LCN6: variants seen among roughly 807,000 people sequenced by gnomAD.
LCN6 encodes the protein epididymal-specific lipocalin-6.
A neutral mutation model predicts 21.4 loss-of-function variants in LCN6; 20 were observed. That is an observed-to-expected ratio of 0.93 (90% CI 0.66 to 1.36). LCN6 has a LOEUF of 1.36. Among genes scored for constraint, LCN6 ranks in the 40% most tolerant of loss-of-function variants. LCN6 has a pLI of 0.00. For missense variants in LCN6, 217 were observed against 206.6 expected (o/e 1.05, Z -0.31); for synonymous variants, 96 against 89.0 (o/e 1.08, Z -0.44).
intron 2 of LCN6, among the ~76,000 whole-genome samples, chr9:136,746,369 T>C (rs193089149): frequency 0.12 from 4,750 of 39,804 alleles, 451 homozygotes; most frequent in African/African-American, 0.35. Context: ...GGGGTTCGCC[T>C]GCGACTCAGG....
At position 136,745,170 on chromosome 9, in the gene LCN6, T is replaced by C. The variant is rs200056554; in HGVS notation, c.412A>G (p.Ser138Gly). The C allele has an allele frequency of 3.9e-5, 62 of 1,601,818 alleles. No individual in the cohort carries two copies. In the East Asian group the frequency reaches 1.3e-3, roughly 33 times the overall value. ...DEPFNTVELY[S>G]LTETASQEAM... ...CGTGGGCCCCGCACAGCACACTTACTGTACAGCTCCACGGTGTTGAAGGGC... is the reference window on the plus strand; with the variant it reads ...CGTGGGCCCCGCACAGCACACTTACCGTACAGCTCCACGGTGTTGAAGGGC... The change falls in exon 4 of 7, where the codon AGT becomes GGT. Residue 138 changes from serine to glycine, a missense_variant and splice_region_variant. Ser to Gly is a moderately conservative substitution (Grantham distance 56, BLOSUM62 0). Coordinates refer to ENST00000341206, the MANE Select transcript of LCN6 (RefSeq NM_198946.3).
rs759041175 is a variant in LCN6, at chr9:136,745,280, G to A, written c.302C>T (p.Ser101Leu). 1.9e-6 allele frequency: 3 copies of A among 1,609,174 alleles called. No individual in the cohort carries two copies. Among genetic ancestry groups the A allele is most frequent in the Non-Finnish European group, 2.6e-6 (3 of 1,176,210 alleles). The change falls in exon 4 of 7, where the codon TCA (serine) becomes TTA (leucine). Residue 101 changes from serine (S) to leucine (L), a missense_variant and splice_region_variant. Ser to Leu is a moderately radical substitution (Grantham distance 145, BLOSUM62 -2). Coordinates refer to ENST00000341206, the MANE Select transcript of LCN6 (RefSeq NM_198946.3). ...RNSGWVFENPSIGVLELWVLA... is the reference protein window; with the variant it reads ...RNSGWVFENPLIGVLELWVLA... ...CACCCAGAGCTCCAGCACGCCTATT[G>A]CTAGGAAACAAAACCCCCCGCCTCA...
intron 2 of LCN6, 73 bp downstream of exon 2, chr9:136,747,351 A>T (rs1847052648): frequency 6.4e-7 from 1 of 1,552,550 alleles, no homozygotes; most frequent in African/African-American, 1.4e-5. Context: ...CCGGGAGCAG[A>T]TGTGCAAAGT....
At chr9:136,746,167 G>A in intron 2 of LCN6, 2 of 484,112 alleles carry the variant, frequency 4.1e-6, no homozygotes, top group Non-Finnish European at 7.5e-6. Flanking sequence ...GCTGAATGCT[G>A]CTGAGGACAC....
At chr9:136,746,053 C>T (rs1301620269) in intron 2 of LCN6, 139 bp from the exon 3 acceptor site, 8 of 726,058 alleles carry the variant, frequency 1.1e-5, no homozygotes, top group African/African-American at 1.8e-5. Context: ...CCCCGATGCC[C>T]GGAAACCTGT....
intron 3 of LCN6, 96 bp downstream of exon 3, chr9:136,745,748 T>C (rs1847028542): frequency 9.3e-7 from 1 of 1,073,126 alleles, no homozygotes; most frequent in Non-Finnish European, 1.4e-6. Context: ...CTCCTGGCTC[T>C]CGGGAGCGGA....
chr9:136,747,752 T>A (rs1847066326), intron 1 of LCN6, among the ~76,000 whole-genome samples, 189 bp from the exon 2 acceptor site: 1 of 92,342 alleles, frequency 1.1e-5, no homozygotes, highest in Non-Finnish European at 2.0e-5. Flanking sequence ...GCCTCCAGCC[T>A]CCACCCTCCA....
rs1847009537 is a variant in LCN6, at chr9:136,744,671, C to T, written c.483G>A (p.Leu161=). Residue 161 remains leucine (L), a synonymous_variant, in exon 5 of 7, where the codon CTG becomes CTA. Coordinates refer to ENST00000341206, the MANE Select transcript of LCN6 (RefSeq NM_198946.3). The surrounding 1 kb of genome is among the most constrained non-coding windows in gnomAD (Gnocchi z 4.2). ...FTKWSRSLGF[L]SQ is the part of the protein sequence containing the mutation. Reference sequence around the variant, plus strand: ...TCTGCAGCTGGGCCTGCTACTGTGACAGGAAGCCCAGGCTCCTGCTCCACT... The same window carrying T: ...TCTGCAGCTGGGCCTGCTACTGTGATAGGAAGCCCAGGCTCCTGCTCCACT... The T allele has an allele frequency of 6.2e-6, 10 of 1,608,064 alleles. No homozygotes were observed. Among genetic ancestry groups the T allele is most frequent in the Non-Finnish European group, 7.7e-6 (9 of 1,176,412 alleles).
rs769634651 is a variant in LCN6, at chr9:136,747,516, G to A, written c.138C>T (p.Gly46=). The A allele has an allele frequency of 3.1e-6, 5 of 1,613,270 alleles. No individual in the cohort carries two copies. In the East Asian group the frequency reaches 8.9e-5, roughly 29 times the overall value. Residue 46 remains glycine (G), a synonymous_variant, in exon 2 of 7, where the codon GGC becomes GGT. Transcript: ENST00000341206. The stretch of plus-strand genomic sequence containing the variant: ...TCTTCATGTCCTTCTCCATGGCAAA[G>A]CCCTTTTCCCGGGAGGCCACCGCAA... ...YVLAVASREK[G]FAMEKDMKNV...
intron 2 of LCN6, among the ~76,000 whole-genome samples, chr9:136,746,717 G>A (rs780747063): frequency 1.7e-4 from 26 of 152,238 alleles, no homozygotes; most frequent in Non-Finnish European, 3.2e-4. Context: ...TCTGGGCCCC[G>A]TACCTGGCTC....
At chr9:136,745,735 A>G in intron 3 of LCN6, 109 bp downstream of exon 3, 1 of 934,012 alleles carries the variant, frequency 1.1e-6, no homozygotes, top group Non-Finnish European at 1.7e-6. Flanking sequence ...CAGAACCTGT[A>G]GCCTCCTGGC....
Position 136,744,372 on chromosome 9 carries a change from G to T in LCN6, c.*23-8C>A, listed in dbSNP as rs1449493285. 2 of 399,800 alleles carry T rather than the reference G, an allele frequency of 5.0e-6. No individual in the cohort carries two copies. The highest frequency in any genetic ancestry group is 4.6e-6 in the Non-Finnish European group (1 of 217,452). The allele number at this position is 399,800 out of a possible 1,614,324, so 24.8% of individuals were successfully genotyped here. A position where few individuals can be genotyped will look rare whatever the true frequency, so the allele number is the denominator to read the frequency against. ...TCTTGTGAGCACAGGTGACTAGAAG[G>T]GGAGGCAAGACTGGCTGTGAAAAAG... On this transcript the variant is annotated splice_polypyrimidine_tract_variant and splice_region_variant and intron_variant, in intron 5 of 6. Coordinates refer to ENST00000341206, the MANE Select transcript of LCN6 (RefSeq NM_198946.3). The surrounding 1 kb of genome is among the most constrained non-coding windows in gnomAD (Gnocchi z 4.2).
chr9:136,745,116 G>GCAC, intron 4 of LCN6, 54 bp downstream of exon 4: 3 of 166,634 alleles, frequency 1.8e-5, no homozygotes, highest in African/African-American at 7.0e-5. Flanking sequence ...CGTGGGCCCC[G>GCAC]AGTGGCCCAC....
chr9:136,747,104 G>A (rs1847048690), intron 2 of LCN6: 1 of 305,646 alleles, frequency 3.3e-6, no homozygotes, highest in African/African-American at 2.2e-5. Context: ...CTGCTGAGAG[G>A]ACAGGCTTCC....
intron 3 of LCN6, 60 bp downstream of exon 3, chr9:136,745,784 G>A: frequency 2.7e-6 from 4 of 1,476,104 alleles, no homozygotes; most frequent in Non-Finnish European, 3.8e-6. Context: ...CTGCCCGCAG[G>A]GGGCCTGGGG....
chr9:136,747,379 C>T, intron 2 of LCN6, 45 bp downstream of exon 2: 1 of 1,603,064 alleles, frequency 6.2e-7, no homozygotes, highest in African/African-American at 1.3e-5. Flanking sequence ...GTGGCTGAGC[C>T]ACAGTCCTGC....
At chr9:136,747,913 C>T (rs1564327795) in intron 1 of LCN6, among the ~76,000 whole-genome samples, 1 of 149,476 alleles carries the variant, frequency 6.7e-6, no homozygotes, top group Non-Finnish European at 1.5e-5. Flanking sequence ...TCCAGCCTTC[C>T]AGCCCTACAG....
At position 136,747,500 on chromosome 9, in the gene LCN6, CCTT is replaced by C. The variant is rs752220988; in HGVS notation, c.151_153del (p.Lys51del). 2.7e-5 allele frequency: 43 copies of C among 1,613,690 alleles called. 1 individual carries two copies. In the African/African-American group the frequency reaches 5.3e-4, roughly 20 times the overall value. ...ACCACCCCCACGACGTTCTTCATGTCCTTCTCCATGGCAAAGCCCTTTTCCCGG... is the reference window on the plus strand; with the variant it reads ...ACCACCCCCACGACGTTCTTCATGTCCTCCATGGCAAAGCCCTTTTCCCGG... On this transcript the variant is annotated inframe_deletion, in exon 2 of 7. Transcript: ENST00000341206.
rs1197987005 is a variant in LCN6, at chr9:136,747,617, AGCCTCC to A, written c.91-60_91-55del. ...GCCAGCCCTCCAGCCTCCAGCCTCC[AGCCTCC>A]AACCCTCCAGCCTCAGCCTCCAGCC... On this transcript the variant is annotated intron_variant, in intron 1 of 6. Coordinates refer to ENST00000341206, the MANE Select transcript of LCN6 (RefSeq NM_198946.3). 6 of 1,543,288 alleles carry A rather than the reference AGCCTCC, an allele frequency of 3.9e-6. No homozygotes were observed. The African/African-American group carries it at 8.3e-5, about 21-fold the overall frequency.
Sources: gnomAD v4.1 joint callset for allele counts (sites outside exome capture counted in the v4.1 genomes callset) on GRCh38, gnomAD v4.1.1 for gene constraint, Gnocchi (gnomAD v3.1) non-coding constraint, MANE v1.5 for transcripts, NCBI Gene and HGNC (gene_info 2026-07-23, HGNC 2026-07-21) for gene names.